Variants in ARHGEF7 observed in about 807,000 individuals in gnomAD.
The protein encoded by ARHGEF7 is Rho guanine nucleotide exchange factor 7.
In ARHGEF7, 33 loss-of-function variants were observed where a neutral mutation model predicts 109.8. The observed-to-expected ratio is 0.30, with a 90% CI of 0.23 to 0.40. The LOEUF (loss-of-function observed/expected upper bound fraction) is 0.40, where lower values mean the gene tolerates loss of function less well. ARHGEF7 is among the 10% of genes least tolerant of loss of function. ARHGEF7 has a pLI of 1.00. For synonymous variants in ARHGEF7, 458 were observed against 424.6 expected, an observed-to-expected ratio of 1.08 and a Z score of -0.97; for missense variants, 938 against 1,098.5, an observed-to-expected ratio of 0.85 and a Z score of 2.07.
At chr13:111,203,708 G>C (rs970632933) in intron 2 of ARHGEF7, among the ~76,000 whole-genome samples, 6 of 152,112 alleles carry the variant, frequency 3.9e-5, no homozygotes, top group Admixed American at 2.0e-4. Flanking sequence ...TCAAAGTCTG[G>C]TTCTTCTTTA....
chr13:111,177,099 G>A (rs537587661), intron 2 of ARHGEF7, among the ~76,000 whole-genome samples: 6 of 152,334 alleles, frequency 3.9e-5, no homozygotes, highest in African/African-American at 1.4e-4. Context: ...TTCTGTGCTA[G>A]GCGTGGTTCC....
At chr13:111,184,150 T>TA (rs1310189432) in intron 2 of ARHGEF7, among the ~76,000 whole-genome samples, 1 of 152,212 alleles carries the variant, frequency 6.6e-6, no homozygotes, top group Non-Finnish European at 1.5e-5. Context: ...GATGGTTTTA[T>TA]AAGGGGCTTC....
rs973743829 is a variant in ARHGEF7 at position 111,272,607 on chromosome 13, C to T, written c.1074-1207C>T. ...GAACCAAGCTCTGCTGACTAGAGAC[C>T]CCTATCTTCTAGGATGGGGCGTGGT... is the stretch of plus-strand genomic sequence containing the variant. On this transcript the variant is annotated intron_variant, in intron 9 of 21. Coordinates refer to ENST00000646102, the MANE Select transcript of ARHGEF7 (RefSeq NM_001354046.2). The surrounding 1 kb of genome is among the most constrained non-coding windows in gnomAD (Gnocchi z 5.2). Among the ~76,000 whole-genome samples the T allele has an allele frequency of 6.6e-6, 1 of 152,016 alleles. No homozygotes were observed. Among genetic ancestry groups the T allele is most frequent in the Non-Finnish European group, 1.5e-5 (1 of 68,010 alleles).
Position 111,277,658 on chromosome 13 carries a change from T to C in ARHGEF7, c.1491T>C (p.Ser497=), listed in dbSNP as rs1383148139. 2.5e-6 allele frequency: 4 copies of C among 1,595,962 alleles called. No homozygotes were observed. Among genetic ancestry groups the C allele is most frequent in the Non-Finnish European group, 3.4e-6 (4 of 1,164,006 alleles). The change falls in exon 13 of 22, where the codon AGT becomes AGC. Residue 497 remains serine, a synonymous_variant. Coordinates refer to ENST00000646102, the MANE Select transcript of ARHGEF7 (RefSeq NM_001354046.2). ...TGTTGTCTGCCAGTCCTAGGATGAG[T>C]GGCTTTATCTATCAGGTAAAACACA... ...LLMLSASPRM[S]GFIYQGKLPT... is the part of the protein sequence containing the mutation.
At chr13:111,205,438 C>T in intron 3 of ARHGEF7, 65 bp downstream of exon 3, 2 of 1,168,584 alleles carry the variant, frequency 1.7e-6, no homozygotes, top group South Asian at 3.2e-5. Flanking sequence ...CTTTGGTTTT[C>T]TTGTTTTACC....
intron 3 of ARHGEF7, among the ~76,000 whole-genome samples, chr13:111,209,038 A>G (rs1468385688): frequency 6.6e-6 from 1 of 152,166 alleles, no homozygotes; most frequent in East Asian, 1.9e-4. Context: ...AGAATTTTAT[A>G]AGATACGTGC....
chr13:111,238,171 G>T (rs1463462610), intron 6 of ARHGEF7, among the ~76,000 whole-genome samples: 1 of 152,160 alleles, frequency 6.6e-6, no homozygotes, highest in African/African-American at 2.4e-5. Flanking sequence ...TGTGCTTAGG[G>T]TGCCCTTGTT....
intron 2 of ARHGEF7, among the ~76,000 whole-genome samples, chr13:111,195,601 G>C (rs756657403): frequency 6.6e-6 from 1 of 152,184 alleles, no homozygotes; most frequent in Non-Finnish European, 1.5e-5. Flanking sequence ...AAGAGCTGGC[G>C]CTTGCTCTGG....
intron 2 of ARHGEF7, among the ~76,000 whole-genome samples, chr13:111,185,735 G>T (rs760694344): frequency 6.6e-6 from 1 of 152,198 alleles, no homozygotes; most frequent in African/African-American, 2.4e-5. Flanking sequence ...TTGGGGGCCT[G>T]TGTAGGCTGT....
At chr13:111,176,658 G>A (rs2078194453) in intron 2 of ARHGEF7, among the ~76,000 whole-genome samples, 1 of 152,226 alleles carries the variant, frequency 6.6e-6, no homozygotes, top group African/African-American at 2.4e-5. Context: ...GCGTGCGGAC[G>A]TTTGTCCTCC....
In ARHGEF7 at chr13:111,217,893, G is replaced by C; in HGVS notation, c.670+13G>C. 6.3e-7 allele frequency: 1 copy of C among 1,597,734 alleles called. No homozygotes were observed. The highest frequency in any genetic ancestry group is 8.6e-7 in the Non-Finnish European group (1 of 1,169,182). ...GTCAAGGCCAGCGGTAAGTGGCCGA[G>C]CCTGGGCTGTGTGTGGCTTTTTGCG... is the stretch of plus-strand genomic sequence containing the variant. On this transcript the variant is annotated intron_variant, in intron 5 of 21. Transcript: ENST00000646102.
Position 111,273,079 on chromosome 13 carries a change from T to C in ARHGEF7, c.1074-735T>C, listed in dbSNP as rs995727225. Among the ~76,000 whole-genome samples the C allele has an allele frequency of 6.6e-6, 1 of 152,248 alleles. No individual in the cohort carries two copies. The highest frequency in any genetic ancestry group is 1.5e-5 in the Non-Finnish European group (1 of 68,036). On this transcript the variant is annotated intron_variant, in intron 9 of 21. Coordinates refer to ENST00000646102, the MANE Select transcript of ARHGEF7 (RefSeq NM_001354046.2). This position sits in a 1 kb window ranked among gnomAD's most constrained non-coding sequence, Gnocchi z 4.5. ...GACTCTTTAATTTTGGGATATGCAC[T>C]GTTTCTATGTCCATACACAGGGACA...
intron 1 of ARHGEF7, among the ~76,000 whole-genome samples, chr13:111,128,989 T>G (rs1281350581): frequency 6.6e-6 from 1 of 151,942 alleles, no homozygotes; most frequent in Non-Finnish European, 1.5e-5. Flanking sequence ...AGTAATGGAG[T>G]CAGCACAACG....
chr13:111,303,176 C>T lies in ARHGEF7; in HGVS notation c.*63C>T. On this transcript the variant is annotated 3_prime_UTR_variant, in exon 22 of 22. Transcript: ENST00000646102. ...GAGGTGAAGCTGGGCACCCCTGACC[C>T]AAGTCGGGGTGCACTCAGGACCACA... 1 of 1,110,514 alleles carries T rather than the reference C, an allele frequency of 9.0e-7. No individual in the cohort carries two copies. The highest frequency in any genetic ancestry group is 1.3e-6 in the Non-Finnish European group (1 of 796,072). 68.8% of individuals were successfully genotyped at this position (1,110,514 alleles called of 1,614,324 possible). A position where few individuals can be genotyped will look rare whatever the true frequency, so the allele number is the denominator to read the frequency against.
At chr13:111,200,710 C>T (rs1465852665) in intron 2 of ARHGEF7, among the ~76,000 whole-genome samples, 10 of 152,220 alleles carry the variant, frequency 6.6e-5, no homozygotes, top group East Asian at 1.9e-4. Context: ...ATTGATGTCT[C>T]AACACCATCT....
In ARHGEF7 at chr13:111,266,386, G is replaced by A. The variant is rs571085872; in HGVS notation, c.951-1162G>A. ...CTTCTTTTGGCCTGTGTCGACGCTC[G>A]TGGACACCTTCGCTCTTGTGCCTTG... On this transcript the variant is annotated intron_variant, in intron 8 of 21. Transcript: ENST00000646102. The surrounding 1 kb of genome is among the most constrained non-coding windows in gnomAD (Gnocchi z 4.8). 3.0e-4 allele frequency among the ~76,000 whole-genome samples: 45 copies of A among 152,118 alleles called. No homozygotes were observed. Among genetic ancestry groups the A allele is most frequent in the Non-Finnish European group, 5.6e-4 (38 of 68,018 alleles).
intron 1 of ARHGEF7, among the ~76,000 whole-genome samples, chr13:111,151,807 G>A (rs7996585): frequency 1.5e-3 from 235 of 152,096 alleles, no homozygotes; most frequent in African/African-American, 5.0e-3. Context: ...AATCACCATC[G>A]GAAAGCATAG....
chr13:111,186,933 CGTAGAG>C, intron 2 of ARHGEF7: 1 of 985,588 alleles, frequency 1.0e-6, no homozygotes, highest in Non-Finnish European at 1.2e-6. Flanking sequence ...GGGTCTACTA[CGTAGAG>C]GTGCATCAGC....
rs2153630505 is a variant in ARHGEF7, at chr13:111,295,180, T to C, written c.2311+2886T>C. 3 of 985,824 alleles carry C rather than the reference T, an allele frequency of 3.0e-6. No homozygotes were observed. The South Asian group carries it at 1.4e-4, about 46-fold the overall frequency. 61.1% of individuals were successfully genotyped at this position (985,824 alleles called of 1,614,324 possible). Reference sequence around the variant, plus strand: ...CCTGTTATGTACAGTTGAAATAAATTTTGCATTTGCTAGCCCGTGGCTTTT... The same window carrying C: ...CCTGTTATGTACAGTTGAAATAAATCTTGCATTTGCTAGCCCGTGGCTTTT... On this transcript the variant is annotated intron_variant, in intron 19 of 21. Transcript: ENST00000646102.
Sources: allele counts gnomAD v4.1 joint callset (sites outside exome capture counted in the v4.1 genomes callset), GRCh38; gene constraint gnomAD v4.1.1; non-coding constraint Gnocchi (gnomAD v3.1); transcripts MANE v1.5; gene names NCBI Gene and HGNC (gene_info 2026-07-23, HGNC 2026-07-21).